The following TLN2 variants were observed in gnomAD, a reference collection of about 807,000 sequenced individuals.
TLN2 encodes the protein talin-2.
In TLN2, 118 loss-of-function variants were observed where a neutral mutation model predicts 294.7. The ratio of observed to expected loss-of-function variants is 0.40; its 90% CI spans 0.34 to 0.47. The LOEUF (loss-of-function observed/expected upper bound fraction) is 0.47, where lower values mean the gene tolerates loss of function less well. Among genes scored for constraint, TLN2 ranks in the 20% least tolerant of loss-of-function variants. The pLI is 0.84. For synonymous variants in TLN2, 1,431 were observed against 1,304.5 expected, an observed-to-expected ratio of 1.10 and a Z score of -2.09; for missense variants, 3,083 against 3,282.2, an observed-to-expected ratio of 0.94 and a Z score of 1.48.
chr15:62,573,936 G>C (rs2044154958), intron 1 of TLN2, among the ~76,000 whole-genome samples: 1 of 152,146 alleles, frequency 6.6e-6, no homozygotes, highest in African/African-American at 2.4e-5. Context: ...TGGGAGCTCA[G>C]CCGCCTGACT....
chr15:62,423,666 C>A (rs1468239988), intron 1 of TLN2, among the ~76,000 whole-genome samples: 1 of 151,906 alleles, frequency 6.6e-6, no homozygotes, highest in Admixed American at 6.6e-5. Flanking sequence ...CTGCAATATC[C>A]GTCTCCTGGG....
intron 1 of TLN2, among the ~76,000 whole-genome samples, chr15:62,406,380 A>G (rs75749874): frequency 0.026 from 3,895 of 152,348 alleles, 59 homozygotes; most frequent in Middle Eastern, 0.061. Context: ...TGCCCAGGAA[A>G]GAATTCAAGG....
chr15:62,559,289 C>T (rs537686869), intron 1 of TLN2, among the ~76,000 whole-genome samples: 3 of 152,140 alleles, frequency 2.0e-5, no homozygotes, highest in Admixed American at 6.5e-5. Flanking sequence ...AAACCTCTCC[C>T]AGTTCTGCGT....
chr15:62,815,685 T>A (rs1306222667), intron 52 of TLN2, among the ~76,000 whole-genome samples: 1 of 152,206 alleles, frequency 6.6e-6, no homozygotes. Context: ...ATTCTTAGGC[T>A]TTTTTGGCTG....
intron 1 of TLN2, among the ~76,000 whole-genome samples, chr15:62,472,049 G>T (rs2037505911): frequency 6.6e-6 from 1 of 152,120 alleles, no homozygotes; most frequent in Non-Finnish European, 1.5e-5. Context: ...AGGCCCGTCA[G>T]ACTTAGATGC....
At chr15:62,656,783 A>G (rs919864166) in intron 8 of TLN2, among the ~76,000 whole-genome samples, 6 of 152,168 alleles carry the variant, frequency 3.9e-5, no homozygotes, top group African/African-American at 1.2e-4. Context: ...ATAAAGTTGT[A>G]TTGGAACACA....
rs112689884 is a variant in TLN2, at chr15:62,678,628, C to T, written c.957+3307C>T. Among the ~76,000 whole-genome samples the T allele has an allele frequency of 6.6e-5, 10 of 152,256 alleles. 1 individual carries two copies. Among genetic ancestry groups the T allele is most frequent in the African/African-American group, 2.2e-4 (9 of 41,548 alleles). On this transcript the variant is annotated intron_variant, in intron 11 of 58. Transcript: ENST00000636159. Reference sequence around the variant, plus strand: ...GGCAGATCACTTGAGGTCAGGAGTTCGAGACCAGCCTGGCCAACATAGTGA... The same window carrying T: ...GGCAGATCACTTGAGGTCAGGAGTTTGAGACCAGCCTGGCCAACATAGTGA...
intron 2 of TLN2, among the ~76,000 whole-genome samples, chr15:62,598,430 G>T (rs962569347): frequency 2.0e-5 from 3 of 152,058 alleles, no homozygotes; most frequent in African/African-American, 7.2e-5. Context: ...CCTTGTCGTG[G>T]GTGTGCCTTA....
At chr15:62,692,805 A>G (rs2058032478) in intron 12 of TLN2, 35 bp from the exon 13 acceptor site, 3 of 1,555,660 alleles carry the variant, frequency 1.9e-6, no homozygotes, top group Non-Finnish European at 2.7e-6. Flanking sequence ...GATATATCTG[A>G]TTTGGCTATA....
chr15:62,399,324 A>T (rs367880318), intron 1 of TLN2, among the ~76,000 whole-genome samples: 1 of 147,518 alleles, frequency 6.8e-6, no homozygotes, highest in Non-Finnish European at 1.5e-5. Context: ...AGTTTGCTGC[A>T]GGAGCGGAGC....
At chr15:62,742,024 GGTGTGTGT>G (rs1169646907) in intron 32 of TLN2, among the ~76,000 whole-genome samples, 11 of 82,278 alleles carry the variant, frequency 1.3e-4, no homozygotes, top group African/African-American at 3.1e-4. Context: ...CTTGTAGTGG[GGTGTGTGT>G]GTGTGTGTGT....
At chr15:62,597,094 C>G (rs571853981) in intron 2 of TLN2, among the ~76,000 whole-genome samples, 3 of 152,282 alleles carry the variant, frequency 2.0e-5, no homozygotes, top group Non-Finnish European at 2.9e-5. Flanking sequence ...TTCAGTCCTG[C>G]TGTTCCCCTT....
At chr15:62,624,932 T>C (rs2140870798) in intron 3 of TLN2, among the ~76,000 whole-genome samples, 1 of 152,352 alleles carries the variant, frequency 6.6e-6, no homozygotes, top group Middle Eastern at 3.4e-3. Flanking sequence ...CGCTGGAGCA[T>C]GGTGACCTAA....
At chr15:62,692,282 G>A (rs532112000) in intron 12 of TLN2, among the ~76,000 whole-genome samples, 13 of 152,292 alleles carry the variant, frequency 8.5e-5, no homozygotes. Context: ...CTGGCTAGAG[G>A]GCAGGGAGAC....
chr15:62,838,666 T>TA (rs1204357458), intron 57 of TLN2, among the ~76,000 whole-genome samples, 190 bp from the exon 58 acceptor site: 1 of 149,284 alleles, frequency 6.7e-6, no homozygotes, highest in Non-Finnish European at 1.5e-5. Flanking sequence ...AGTGACCAGG[T>TA]AGGTTCCAGT....
intron 3 of TLN2, among the ~76,000 whole-genome samples, chr15:62,629,057 C>T (rs1375669872): frequency 6.6e-6 from 1 of 152,020 alleles, no homozygotes; most frequent in Non-Finnish European, 1.5e-5. Flanking sequence ...ATTAGCTTGG[C>T]ATAGTAGCAC....
chr15:62,636,046 A>T (rs1245767025), intron 3 of TLN2, among the ~76,000 whole-genome samples: 2 of 152,190 alleles, frequency 1.3e-5, no homozygotes, highest in Non-Finnish European at 2.9e-5. Context: ...GTGCCTTAAC[A>T]TAAAAAGGGC....
At chr15:62,633,559 C>A (rs563060107) in intron 3 of TLN2, among the ~76,000 whole-genome samples, 1 of 152,322 alleles carries the variant, frequency 6.6e-6, no homozygotes, top group South Asian at 2.1e-4. Flanking sequence ...CCCACCCCAG[C>A]CTTTGAGTCA....
chr15:62,472,828 T>A (rs889707392), intron 1 of TLN2, among the ~76,000 whole-genome samples: 6 of 152,130 alleles, frequency 3.9e-5, no homozygotes, highest in African/African-American at 1.4e-4. Flanking sequence ...AGAATTCCCC[T>A]GAGGAAGGTA....
Sources: allele counts gnomAD v4.1 joint callset (sites outside exome capture counted in the v4.1 genomes callset), GRCh38; gene constraint gnomAD v4.1.1; transcripts MANE v1.5; gene names NCBI Gene and HGNC (gene_info 2026-07-23, HGNC 2026-07-21).